The following KCTD2 variants were observed in gnomAD, a reference collection of about 807,000 sequenced individuals.
The protein encoded by KCTD2 is BTB/POZ domain-containing protein KCTD2.
KCTD2 carries 18 observed loss-of-function variants against 27.9 expected under a neutral mutation model. The ratio of observed to expected loss-of-function variants is 0.64; its 90% CI spans 0.45 to 0.96. KCTD2 has a LOEUF of 0.96. Ranked by LOEUF, KCTD2 falls within the 40% of genes least tolerant of loss-of-function variation. The probability of loss-of-function intolerance (pLI) is 0.00; values close to 1 mark genes in which losing one functional copy is unlikely to be tolerated. For synonymous variants in KCTD2, 175 were observed against 148.4 expected (o/e 1.18, Z -1.30); for missense variants, 280 against 348.0 (o/e 0.80, Z 1.56).
Position 75,039,149 on chromosome 17 carries a change from G to T in KCTD2, c.-259+3792G>T, listed in dbSNP as rs2073132344. Reference sequence around the variant, plus strand: ...GGCAGGTTCCTGCCACCAGGTGAAAGATGTGTGGTCATGAAAGAGAGAACC... The same window carrying T: ...GGCAGGTTCCTGCCACCAGGTGAAATATGTGTGGTCATGAAAGAGAGAACC... On this transcript the variant is annotated intron_variant, in intron 3 of 7. Coordinates refer to the KCTD2 transcript ENST00000581589. The T allele has an allele frequency of 3.1e-6, 5 of 1,611,824 alleles. No homozygotes were observed. The Admixed American group carries it at 5.0e-5, about 16-fold the overall frequency.
intron 3 of KCTD2, among the ~76,000 whole-genome samples, chr17:75,037,154 C>A (rs2073110392): frequency 1.3e-5 from 2 of 152,092 alleles, no homozygotes; most frequent in Non-Finnish European, 2.9e-5. Flanking sequence ...ACCGTCCTGC[C>A]TAACACGATG....
chr17:75,034,749 G>C (rs2040098433), intron 2 of KCTD2, among the ~76,000 whole-genome samples: 1 of 152,124 alleles, frequency 6.6e-6, no homozygotes, highest in Non-Finnish European at 1.5e-5. Flanking sequence ...GCAGAGGCCG[G>C]TGGAGCATAG....
At chr17:75,047,057 G>A, upstream of KCTD2, 1 of 265,804 alleles carries the variant, frequency 3.8e-6, no homozygotes. Flanking sequence ...AGAGATGAGG[G>A]CTGGTTCCGG....
chr17:75,060,457 C>T (rs1050789142), intron 4 of KCTD2: 64 of 1,611,008 alleles, frequency 4.0e-5, no homozygotes, highest in Non-Finnish European at 5.4e-5. Context: ...CATAAGCCTT[C>T]CAAGGTGATA....
intron 4 of KCTD2, among the ~76,000 whole-genome samples, 180 bp from the exon 5 acceptor site, chr17:75,061,940 G>A (rs762911086): frequency 2.6e-5 from 4 of 152,118 alleles, no homozygotes; most frequent in Non-Finnish European, 4.4e-5. Flanking sequence ...CACCAATGAT[G>A]CCCTGATGAA....
In KCTD2 at chr17:75,063,190, A is replaced by C; in HGVS notation, c.*143A>C. The C allele has an allele frequency of 1.3e-6, 1 of 762,986 alleles. No individual in the cohort carries two copies. The highest frequency in any genetic ancestry group is 2.3e-6 in the Non-Finnish European group (1 of 443,182). The allele number at this position is 762,986 out of a possible 1,614,324, so 47.3% of individuals were successfully genotyped here. A position where few individuals can be genotyped will look rare whatever the true frequency, so the allele number is the denominator to read the frequency against. ...CCCTGTGAAGAAGTGTTCTGGTCAA[A>C]ACTAAAGGAACTCCCTCCCCACCTG... is the stretch of plus-strand genomic sequence containing the variant. On this transcript the variant is annotated 3_prime_UTR_variant, in exon 6 of 6. Coordinates refer to ENST00000322444, the MANE Select transcript of KCTD2 (RefSeq NM_015353.3).
intron 3 of KCTD2, among the ~76,000 whole-genome samples, chr17:75,057,899 A>C (rs1424771356): frequency 2.6e-5 from 4 of 151,948 alleles, no homozygotes; most frequent in African/African-American, 9.7e-5. Context: ...TAGAAGAAAA[A>C]ATACAGCATT....
rs2073431894 is a variant in KCTD2, at chr17:75,064,042, A to G, written c.*995A>G. Reference sequence around the variant, plus strand: ...GAAATGCCTTGACTGAATGTGCAATATTTGTGTCTCTTGGTTTCTAACCTT... The same window carrying G: ...GAAATGCCTTGACTGAATGTGCAATGTTTGTGTCTCTTGGTTTCTAACCTT... On this transcript the variant is annotated 3_prime_UTR_variant, in exon 6 of 6. Transcript: ENST00000322444. 1 of 152,764 alleles carries G rather than the reference A, an allele frequency of 6.5e-6. No individual in the cohort carries two copies. The highest frequency in any genetic ancestry group is 1.5e-5 in the Non-Finnish European group (1 of 68,174). 9.5% of individuals were successfully genotyped at this position (152,764 alleles called of 1,614,324 possible).
upstream of KCTD2, among the ~76,000 whole-genome samples, chr17:75,046,736 G>A (rs565205644): frequency 1.3e-5 from 2 of 152,328 alleles, no homozygotes; most frequent in East Asian, 3.9e-4. Context: ...GACCCCGCGC[G>A]CCAAGGAGGG....
At chr17:75,036,455 CA>C (rs1356272476) in intron 3 of KCTD2, among the ~76,000 whole-genome samples, 1 of 152,176 alleles carries the variant, frequency 6.6e-6, no homozygotes, top group Non-Finnish European at 1.5e-5. Flanking sequence ...AATGCATGTA[CA>C]ACGCAAAAAT....
At chr17:75,060,452 G>C in intron 4 of KCTD2, 1 of 1,609,498 alleles carries the variant, frequency 6.2e-7, no homozygotes, top group South Asian at 1.1e-5. Context: ...TCTAACATAA[G>C]CCTTCCAAGG....
upstream of KCTD2, among the ~76,000 whole-genome samples, chr17:75,044,228 TCG>T (rs1156708676): frequency 1.8e-5 from 2 of 110,974 alleles, no homozygotes; most frequent in Admixed American, 7.7e-5. Flanking sequence ...AGACGGAGTC[TCG>T]CTCTGTCGCC....
At chr17:75,053,163 C>A in intron 3 of KCTD2, 58 bp downstream of exon 3, 2 of 1,368,586 alleles carry the variant, frequency 1.5e-6, no homozygotes, top group Non-Finnish European at 2.1e-6. Flanking sequence ...GTCGGTCGGT[C>A]TGTGATTTGA....
In KCTD2 at chr17:75,047,262, G is replaced by T. The variant is rs769212698; in HGVS notation, c.12G>T (p.Leu4=). The change falls in exon 1 of 6, where the codon CTG becomes CTT. Residue 4 remains leucine (L), a synonymous_variant. Transcript: ENST00000322444. Reference sequence around the variant, plus strand: ...GGCGGCGGTCCAAGATGGCGGAACTGCAGCTGGACCCGGCGATGGCGGGGC... The same window carrying T: ...GGCGGCGGTCCAAGATGGCGGAACTTCAGCTGGACCCGGCGATGGCGGGGC... MAE[L]QLDPAMAGLG... is the part of the protein sequence containing the mutation. The T allele has an allele frequency of 1.6e-5, 15 of 935,202 alleles. No homozygotes were observed. The Admixed American group carries it at 3.2e-4, about 20-fold the overall frequency. 57.9% of individuals were successfully genotyped at this position (935,202 alleles called of 1,614,324 possible).
intron 4 of KCTD2, among the ~76,000 whole-genome samples, chr17:75,060,183 C>G (rs1490670040): frequency 2.0e-5 from 3 of 150,410 alleles, no homozygotes; most frequent in African/African-American, 7.3e-5. Flanking sequence ...TTGTTAAATT[C>G]TGTTGCCTTC....
intron 2 of KCTD2, 128 bp from the exon 3 acceptor site, chr17:75,052,886 T>C: frequency 1.4e-6 from 1 of 724,376 alleles, no homozygotes; most frequent in Non-Finnish European, 2.4e-6. Flanking sequence ...AGAGTAAGAC[T>C]CCGTCTCAAA....
chr17:75,034,281 A>C (rs999504152), intron 2 of KCTD2, among the ~76,000 whole-genome samples: 1 of 152,088 alleles, frequency 6.6e-6, no homozygotes. Flanking sequence ...GAGGTAAATG[A>C]CCACCGCGAC....
In KCTD2 at chr17:75,049,277, A is replaced by G; in HGVS notation, c.397A>G (p.Asn133Asp). The G allele has an allele frequency of 6.2e-7, 1 of 1,613,948 alleles. No individual in the cohort carries two copies. The highest frequency in any genetic ancestry group is 8.5e-7 in the Non-Finnish European group (1 of 1,179,840). The change falls in exon 2 of 6, where the codon AAC (asparagine) becomes GAC (aspartate). Residue 133 changes from asparagine (N) to aspartate (D), a missense_variant. Coordinates refer to ENST00000322444, the MANE Select transcript of KCTD2 (RefSeq NM_015353.3). ...RDPTYFGPIL[N>D]YLRHGKLIIT... The stretch of plus-strand genomic sequence containing the variant: ...CCCCACCTACTTTGGTCCTATCCTC[A>G]ACTACCTCCGCCACGGGAAACTCAT...
At chr17:75,033,955 T>G (rs998166526) in intron 1 of KCTD2, 2 of 152,278 alleles carry the variant, frequency 1.3e-5, no homozygotes, top group African/African-American at 2.4e-5. Context: ...CCAGGGATTG[T>G]GGGTTCGAGT....
Sources: gnomAD v4.1 joint callset for allele counts (sites outside exome capture counted in the v4.1 genomes callset) on GRCh38, gnomAD v4.1.1 for gene constraint, MANE v1.5 for transcripts, NCBI Gene and HGNC (gene_info 2026-07-23, HGNC 2026-07-21) for gene names.